Variants in FAM227B observed in about 807,000 individuals in gnomAD.
FAM227B encodes family with sequence similarity 227 member B.
FAM227B carries 88 observed loss-of-function variants against 73.8 expected under a neutral mutation model. The observed-to-expected ratio is 1.19, with a 90% CI of 1.00 to 1.42. The LOEUF (loss-of-function observed/expected upper bound fraction) is 1.42. Among genes scored for constraint, FAM227B ranks in the 40% most tolerant of loss-of-function variants. The probability of loss-of-function intolerance (pLI) is 0.00; values close to 1 mark genes in which losing one functional copy is unlikely to be tolerated. For synonymous variants in FAM227B, 210 were observed against 190.5 expected, an observed-to-expected ratio of 1.10 and a Z score of -0.84; for missense variants, 632 against 590.9, an observed-to-expected ratio of 1.07 and a Z score of -0.72.
intron 11 of FAM227B, among the ~76,000 whole-genome samples, chr15:49,412,459 C>T (rs1302890793): frequency 3.3e-5 from 5 of 151,780 alleles, no homozygotes; most frequent in African/African-American, 1.2e-4. Context: ...AGAGAGGGTA[C>T]TAAGGATTAA....
At chr15:49,382,062 ATAAAT>A (rs1170379278) in intron 11 of FAM227B, among the ~76,000 whole-genome samples, 1 of 152,084 alleles carries the variant, frequency 6.6e-6, no homozygotes, top group Admixed American at 6.6e-5. Flanking sequence ...TCTCCCCCAA[ATAAAT>A]TATAAATATT....
intron 11 of FAM227B, among the ~76,000 whole-genome samples, chr15:49,458,176 G>C (rs1336447134): frequency 2.0e-5 from 3 of 151,648 alleles, no homozygotes; most frequent in Non-Finnish European, 4.4e-5. Context: ...GATATGAGTA[G>C]GATCTTAGAG....
At chr15:49,380,932 T>C (rs2046488340) in intron 11 of FAM227B, among the ~76,000 whole-genome samples, 1 of 152,180 alleles carries the variant, frequency 6.6e-6, no homozygotes. Flanking sequence ...AATTGGATTA[T>C]GGTTCTGCGG....
At position 49,328,722 on chromosome 15, in the gene FAM227B, T is replaced by C. The variant is rs750198502; in HGVS notation, c.1420-47A>G. 28 of 1,523,508 alleles carry C rather than the reference T, an allele frequency of 1.8e-5. No homozygotes were observed. The Admixed American group carries it at 2.7e-4, about 15-fold the overall frequency. 94.4% of individuals were successfully genotyped at this position (1,523,508 alleles called of 1,614,324 possible). A position where few individuals can be genotyped will look rare whatever the true frequency, so the allele number is the denominator to read the frequency against. On this transcript the variant is annotated intron_variant, in intron 15 of 15. Transcript: ENST00000299338. Reference sequence around the variant, plus strand: ...AAAGTTTCACAGATCTTCTTGGACATTGTATAATTGAATTTGAATGTGAGA... The same window carrying C: ...AAAGTTTCACAGATCTTCTTGGACACTGTATAATTGAATTTGAATGTGAGA...
intron 11 of FAM227B, among the ~76,000 whole-genome samples, chr15:49,461,892 T>C: frequency 6.6e-6 from 1 of 152,216 alleles, no homozygotes; most frequent in Non-Finnish European, 1.5e-5. Flanking sequence ...GACTGATTAT[T>C]GCCCAGGGGC....
At chr15:49,505,945 T>C (rs1006109624) in intron 11 of FAM227B, among the ~76,000 whole-genome samples, 5 of 151,914 alleles carry the variant, frequency 3.3e-5, no homozygotes, top group Non-Finnish European at 5.9e-5. Context: ...TGAGAAAAGA[T>C]ACGATGTGAA....
At chr15:49,597,851 C>T (rs371062032) in intron 3 of FAM227B, among the ~76,000 whole-genome samples, 8 of 151,818 alleles carry the variant, frequency 5.3e-5, no homozygotes, top group African/African-American at 1.9e-4. Context: ...CATCTTCACA[C>T]ACATAAACTA....
intron 9 of FAM227B, among the ~76,000 whole-genome samples, chr15:49,542,715 T>C (rs890773912): frequency 4.7e-5 from 7 of 149,194 alleles, no homozygotes; most frequent in African/African-American, 1.5e-4. Context: ...TATATAAATA[T>C]ATATATATAT....
chr15:49,543,951 T>A (rs1190256633), intron 9 of FAM227B, among the ~76,000 whole-genome samples: 1 of 152,220 alleles, frequency 6.6e-6, no homozygotes, highest in Non-Finnish European at 1.5e-5. Context: ...AAATTTGTTC[T>A]TTTTGTTTAG....
rs186892173 is a variant in FAM227B, at chr15:49,482,188, A to G, written c.1012+26023T>C. ...AAATGTAATTAATAGCAAATTGCAT[A>G]AAAGTACATTAAAATTTTAATTATT... On this transcript the variant is annotated intron_variant, in intron 11 of 15. Transcript: ENST00000299338. Among the ~76,000 whole-genome samples, 635 of 152,250 alleles carry G rather than the reference A, an allele frequency of 4.2e-3. 1 individual carries two copies. The highest frequency in any genetic ancestry group is 7.2e-3 in the Non-Finnish European group (488 of 67,938).
At chr15:49,362,303 C>A (rs1299406659) in intron 13 of FAM227B, among the ~76,000 whole-genome samples, 3 of 152,086 alleles carry the variant, frequency 2.0e-5, no homozygotes, top group Admixed American at 2.0e-4. Flanking sequence ...TATGGCACTT[C>A]CCCCTTCACT....
intron 13 of FAM227B, chr15:49,366,263 C>G (rs1345801753): frequency 1.3e-6 from 1 of 786,400 alleles, no homozygotes; most frequent in African/African-American, 1.7e-5. Flanking sequence ...GTCTTTGTCA[C>G]TTATAAATGC....
intron 9 of FAM227B, among the ~76,000 whole-genome samples, chr15:49,567,561 T>C (rs2074758834): frequency 6.6e-6 from 1 of 152,168 alleles, no homozygotes; most frequent in Non-Finnish European, 1.5e-5. Context: ...AAGACACCTT[T>C]TTATTTTGGG....
chr15:49,562,125 G>A (rs2074309605), intron 9 of FAM227B, among the ~76,000 whole-genome samples: 1 of 151,838 alleles, frequency 6.6e-6, no homozygotes, highest in South Asian at 2.1e-4. Flanking sequence ...GAGAAAAAAG[G>A]AGAAGATCCA....
At chr15:49,614,043 T>C (rs1453800934) in intron 2 of FAM227B, among the ~76,000 whole-genome samples, 1 of 152,172 alleles carries the variant, frequency 6.6e-6, no homozygotes, top group South Asian at 2.1e-4. Flanking sequence ...ATGAAAACAA[T>C]TTAAGCATTG....
intron 11 of FAM227B, among the ~76,000 whole-genome samples, chr15:49,404,090 G>C (rs2048354880): frequency 6.6e-6 from 1 of 152,044 alleles, no homozygotes; most frequent in Non-Finnish European, 1.5e-5. Context: ...TCTTATTCTT[G>C]ATTTCTAACT....
intron 3 of FAM227B, among the ~76,000 whole-genome samples, chr15:49,596,894 G>A (rs1467489558): frequency 1.3e-5 from 2 of 151,830 alleles, no homozygotes; most frequent in Non-Finnish European, 3.0e-5. Flanking sequence ...ATATAATGAT[G>A]AAAGGCCTAG....
intron 11 of FAM227B, among the ~76,000 whole-genome samples, chr15:49,449,313 T>C (rs993104944): frequency 6.6e-6 from 1 of 152,040 alleles, no homozygotes; most frequent in East Asian, 1.9e-4. Context: ...AATCAGTAAA[T>C]GTTTTTTACT....
chr15:49,502,322 A>T (rs899149233), intron 11 of FAM227B, among the ~76,000 whole-genome samples: 1 of 152,228 alleles, frequency 6.6e-6, no homozygotes, highest in African/African-American at 2.4e-5. Flanking sequence ...CTGTGAGAGC[A>T]GCTGTGGAGG....
Sources: gnomAD v4.1 joint callset for allele counts (sites outside exome capture counted in the v4.1 genomes callset) on GRCh38, gnomAD v4.1.1 for gene constraint, MANE v1.5 for transcripts, NCBI Gene and HGNC (gene_info 2026-07-23, HGNC 2026-07-21) for gene names.